The following ATXN7L1 variants were observed in gnomAD, a reference collection of about 807,000 sequenced individuals.
The protein encoded by ATXN7L1 is ataxin-7-like protein 1.
A neutral mutation model predicts 70.8 loss-of-function variants in ATXN7L1; 15 were observed. The ratio of observed to expected loss-of-function variants is 0.21; its 90% CI spans 0.14 to 0.33. The LOEUF (loss-of-function observed/expected upper bound fraction) is 0.33. Among genes scored for constraint, ATXN7L1 ranks in the 10% least tolerant of loss-of-function variants. The pLI is 1.00. For synonymous variants in ATXN7L1, 440 were observed against 445.1 expected, an observed-to-expected ratio of 0.99 and a Z score of 0.14; for missense variants, 975 against 1,097.1, an observed-to-expected ratio of 0.89 and a Z score of 1.57.
In ATXN7L1 at chr7:105,704,584, C is replaced by CTT. The variant is rs11329205; in HGVS notation, c.356-39298_356-39297dup. 1.1e-3 allele frequency among the ~76,000 whole-genome samples: 96 copies of CTT among 89,494 alleles called. 1 individual carries two copies. The highest frequency in any genetic ancestry group is 1.6e-3 in the African/African-American group (38 of 23,718). 58.7% of individuals were successfully genotyped at this position (89,494 alleles called of 152,430 possible). On this transcript the variant is annotated intron_variant, in intron 3 of 11. Transcript: ENST00000419735. ...ACCAATGTCCAGAGAGGTTTTATCT[C>CTT]TTTTTTTTTTTTTTTTTTTTTTTTT...
intron 3 of ATXN7L1, among the ~76,000 whole-genome samples, chr7:105,784,433 T>C (rs1803972464): frequency 2.8e-5 from 4 of 141,158 alleles, no homozygotes. Context: ...ACTGACTGGC[T>C]AAACACACAC....
chr7:105,651,624 T>G (rs958961884), intron 4 of ATXN7L1, among the ~76,000 whole-genome samples: 1 of 152,160 alleles, frequency 6.6e-6, no homozygotes, highest in Non-Finnish European at 1.5e-5. Flanking sequence ...CAGAACGAGG[T>G]GGGGCCAGAT....
At chr7:105,836,806 A>G (rs2116600572) in intron 2 of ATXN7L1, among the ~76,000 whole-genome samples, 1 of 152,318 alleles carries the variant, frequency 6.6e-6, no homozygotes, top group South Asian at 2.1e-4. Context: ...CACGCTTGTA[A>G]TCCCAGCACT....
intron 1 of ATXN7L1, 53 bp downstream of exon 1, chr7:105,876,325 G>A: frequency 6.6e-7 from 1 of 1,512,552 alleles, no homozygotes; most frequent in African/African-American, 1.4e-5. Flanking sequence ...GGCTCTAGGT[G>A]AATGGAAAGG....
intron 2 of ATXN7L1, among the ~76,000 whole-genome samples, chr7:105,820,662 C>T (rs1810003380): frequency 6.6e-6 from 1 of 152,170 alleles, no homozygotes; most frequent in Non-Finnish European, 1.5e-5. Context: ...AATAAACCAA[C>T]AGATCACCTT....
At chr7:105,701,733 C>G (rs1367675215) in intron 3 of ATXN7L1, among the ~76,000 whole-genome samples, 1 of 152,078 alleles carries the variant, frequency 6.6e-6, no homozygotes, top group Non-Finnish European at 1.5e-5. Context: ...GAGACAGGGT[C>G]TCGCTCTGTA....
intron 11 of ATXN7L1, 153 bp from the exon 12 acceptor site, chr7:105,608,043 G>T: frequency 1.4e-6 from 1 of 721,506 alleles, no homozygotes; most frequent in Non-Finnish European, 2.4e-6. Flanking sequence ...AATAGCAAGA[G>T]ATGATGGATC....
rs554857975 is a variant in ATXN7L1 at position 105,809,977 on chromosome 7, G to A, written c.251-21269C>T. Among the ~76,000 whole-genome samples the A allele has an allele frequency of 5.6e-4, 86 of 152,216 alleles. 1 individual carries two copies. The highest frequency in any genetic ancestry group is 1.9e-3 in the African/African-American group (79 of 41,518). ...TGTAGAGACGAGGTCTCACTATGTT[G>A]CCCAGGCTGGCCTCGAATTCCAGGA... On this transcript the variant is annotated intron_variant, in intron 2 of 11. Transcript: ENST00000419735.
At chr7:105,826,550 G>A (rs1275925973) in intron 2 of ATXN7L1, among the ~76,000 whole-genome samples, 1 of 152,132 alleles carries the variant, frequency 6.6e-6, no homozygotes, top group East Asian at 1.9e-4. Flanking sequence ...GAGACATTTG[G>A]AAAAATGTGC....
intron 3 of ATXN7L1, among the ~76,000 whole-genome samples, chr7:105,756,053 G>GCTGGAA (rs1799763123): frequency 6.6e-6 from 1 of 152,122 alleles, no homozygotes; most frequent in South Asian, 2.1e-4. Context: ...ATCGTCAGAG[G>GCTGGAA]CTGCATTTCA....
chr7:105,663,709 C>A (rs1034719992), intron 4 of ATXN7L1, among the ~76,000 whole-genome samples: 2 of 152,098 alleles, frequency 1.3e-5, no homozygotes, highest in African/African-American at 4.8e-5. Flanking sequence ...CACAGGCAAC[C>A]TTTTCTGACT....
chr7:105,644,073 G>C (rs907832427), intron 4 of ATXN7L1, among the ~76,000 whole-genome samples: 1 of 152,188 alleles, frequency 6.6e-6, no homozygotes, highest in Non-Finnish European at 1.5e-5. Context: ...TCTCTGAGCT[G>C]AGAGTGAAGC....
intron 7 of ATXN7L1, among the ~76,000 whole-genome samples, chr7:105,626,303 C>T (rs1354900113): frequency 6.6e-6 from 1 of 152,168 alleles, no homozygotes; most frequent in Non-Finnish European, 1.5e-5. Context: ...GATGATTCCA[C>T]TTACATGAGA....
chr7:105,691,680 AAAAAG>A (rs1790874328), intron 3 of ATXN7L1: 1 of 151,824 alleles, frequency 6.6e-6, no homozygotes, highest in African/African-American at 2.4e-5. Context: ...AAAGAAAAAA[AAAAAG>A]AGAGAGAGAG....
intron 8 of ATXN7L1, among the ~76,000 whole-genome samples, chr7:105,621,191 C>T (rs536385529): frequency 2.0e-5 from 3 of 152,274 alleles, no homozygotes; most frequent in East Asian, 1.9e-4. Flanking sequence ...GAAGCTTTTG[C>T]TCCTGCTGTT....
intron 2 of ATXN7L1, among the ~76,000 whole-genome samples, chr7:105,851,560 AT>A (rs1356914156): frequency 6.6e-6 from 1 of 152,198 alleles, no homozygotes; most frequent in African/African-American, 2.4e-5. Flanking sequence ...GGAGATTTGC[AT>A]GTATCACAAA....
intron 9 of ATXN7L1, chr7:105,618,220 G>A (rs1488415357): frequency 2.8e-6 from 1 of 360,872 alleles, no homozygotes; most frequent in Non-Finnish European, 5.5e-6. Flanking sequence ...AAAGAGCTGC[G>A]AGGATCACCA....
At chr7:105,819,280 T>C (rs1809699659) in intron 2 of ATXN7L1, among the ~76,000 whole-genome samples, 1 of 152,158 alleles carries the variant, frequency 6.6e-6, no homozygotes, top group African/African-American at 2.4e-5. Context: ...GGCATCTTGG[T>C]AACCCTTCAA....
chr7:105,723,962 C>G, intron 3 of ATXN7L1, among the ~76,000 whole-genome samples: 1 of 152,180 alleles, frequency 6.6e-6, no homozygotes, highest in East Asian at 1.9e-4. Context: ...AAAGACACTG[C>G]TCGATGTAGG....
Sources: gnomAD v4.1 joint callset for allele counts (sites outside exome capture counted in the v4.1 genomes callset) on GRCh38, gnomAD v4.1.1 for gene constraint, MANE v1.5 for transcripts, NCBI Gene and HGNC (gene_info 2026-07-23, HGNC 2026-07-21) for gene names.